The following TAOK1 variants were observed in gnomAD, a reference collection of about 807,000 sequenced individuals.
The protein encoded by TAOK1 is serine/threonine-protein kinase TAO1.
In TAOK1, 21 loss-of-function variants were observed where a neutral mutation model predicts 138.3. The ratio of observed to expected loss-of-function variants is 0.15; its 90% CI spans 0.11 to 0.22. TAOK1 has a LOEUF of 0.22. Among genes scored for constraint, TAOK1 ranks in the 10% least tolerant of loss-of-function variants. TAOK1 has a pLI of 1.00. For synonymous variants in TAOK1, 361 were observed against 398.4 expected (o/e 0.91, Z 1.12); for missense variants, 651 against 1,227.7 (o/e 0.53, Z 7.02).
rs754485562 is a variant in TAOK1, at chr17:29,550,847, G to A, written c.*7825G>A. 1 of 152,244 alleles carries A rather than the reference G, an allele frequency of 6.6e-6. No individual in the cohort carries two copies. The highest frequency in any genetic ancestry group is 1.5e-5 in the Non-Finnish European group (1 of 67,966). The allele number at this position is 152,244 out of a possible 1,614,324, so 9.4% of individuals were successfully genotyped here. ...AGAAATTAGTACATCATTTTCTCTG[G>A]ATTTTCTTCACTTCCCTCTTCCTTT... On this transcript the variant is annotated 3_prime_UTR_variant, in exon 20 of 20. Coordinates refer to ENST00000261716, the MANE Select transcript of TAOK1 (RefSeq NM_020791.4).
chr17:29,533,247 G>T (rs1337991137), intron 18 of TAOK1, among the ~76,000 whole-genome samples: 3 of 147,600 alleles, frequency 2.0e-5, no homozygotes, highest in Non-Finnish European at 1.5e-5. Flanking sequence ...ACGATGGGCG[G>T]CCGGGCAGAG....
chr17:29,471,160 A>AT (rs1314589073), intron 3 of TAOK1, among the ~76,000 whole-genome samples: 26 of 98,792 alleles, frequency 2.6e-4, no homozygotes, highest in East Asian at 1.9e-3. Flanking sequence ...TTCATCTAAA[A>AT]AATATATATA....
chr17:29,395,045 C>T (rs913737766), intron 1 of TAOK1, among the ~76,000 whole-genome samples: 1 of 151,750 alleles, frequency 6.6e-6, no homozygotes, highest in African/African-American at 2.4e-5. Context: ...AGTTTGAGGC[C>T]AGCCTGGGCA....
chr17:29,502,771 C>G (rs747560977), intron 13 of TAOK1, 48 bp downstream of exon 13: 6 of 1,581,034 alleles, frequency 3.8e-6, no homozygotes, highest in Non-Finnish European at 5.2e-6. Flanking sequence ...CATGTGGGAC[C>G]TTGGCAATAT....
At chr17:29,459,582 CT>C (rs1259587417) in intron 2 of TAOK1, among the ~76,000 whole-genome samples, 1 of 152,088 alleles carries the variant, frequency 6.6e-6, no homozygotes, top group Non-Finnish European at 1.5e-5. Flanking sequence ...CGGCCTCATT[CT>C]TTTTTTATGG....
intron 19 of TAOK1, among the ~76,000 whole-genome samples, chr17:29,539,914 A>G (rs1700186178): frequency 6.6e-6 from 1 of 152,208 alleles, no homozygotes; most frequent in African/African-American, 2.4e-5. Context: ...AATGTGGCAA[A>G]ATATAATAAC....
rs905766891 is a variant in TAOK1, at chr17:29,478,187, A to G, written c.353-64A>G. ...TCAGTTTTTAAAAATTGCCCCATGT[A>G]TTAGATATGTATTTTTTTAACAAAA... On this transcript the variant is annotated intron_variant, in intron 5 of 19. Transcript: ENST00000261716. The G allele has an allele frequency of 5.4e-5, 66 of 1,215,460 alleles. No homozygotes were observed. In the South Asian group the frequency reaches 9.9e-4, roughly 18 times the overall value. 75.3% of individuals were successfully genotyped at this position (1,215,460 alleles called of 1,614,324 possible). A position where few individuals can be genotyped will look rare whatever the true frequency, so the allele number is the denominator to read the frequency against.
At chr17:29,447,409 C>T (rs2030111954) in intron 1 of TAOK1, among the ~76,000 whole-genome samples, 1 of 152,110 alleles carries the variant, frequency 6.6e-6, no homozygotes, top group Non-Finnish European at 1.5e-5. Context: ...CTGCTCACTG[C>T]AGCCTTCACC....
chr17:29,425,865 G>GT (rs991146012), intron 1 of TAOK1, among the ~76,000 whole-genome samples: 1 of 151,674 alleles, frequency 6.6e-6, no homozygotes, highest in Non-Finnish European at 1.5e-5. Context: ...AATGAATCAG[G>GT]TTTTTTTTGT....
chr17:29,408,529 C>T (rs1018300497), intron 1 of TAOK1, among the ~76,000 whole-genome samples: 2 of 151,916 alleles, frequency 1.3e-5, no homozygotes, highest in East Asian at 1.9e-4. Flanking sequence ...AACGTTTTTT[C>T]AATCAATTTT....
At chr17:29,536,752 T>G (rs1598529568) in intron 19 of TAOK1, among the ~76,000 whole-genome samples, 1 of 141,704 alleles carries the variant, frequency 7.1e-6, no homozygotes, top group Non-Finnish European at 1.5e-5. Context: ...CAGGCTGGAG[T>G]GCAGTGGCGT....
intron 19 of TAOK1, among the ~76,000 whole-genome samples, chr17:29,535,347 A>G (rs768321016): frequency 6.6e-6 from 1 of 151,978 alleles, no homozygotes; most frequent in Non-Finnish European, 1.5e-5. Context: ...GTGGTCGATT[A>G]TCAATTGTAT....
intron 1 of TAOK1, among the ~76,000 whole-genome samples, chr17:29,394,612 T>C (rs892150654): frequency 2.0e-5 from 3 of 152,234 alleles, no homozygotes; most frequent in Non-Finnish European, 2.9e-5. Flanking sequence ...ATTTGGCTTA[T>C]TTGTATATTA....
At chr17:29,518,750 C>CTTTTATTTTT (rs11271070) in intron 16 of TAOK1, among the ~76,000 whole-genome samples, 6 of 150,390 alleles carry the variant, frequency 4.0e-5, no homozygotes, top group Admixed American at 2.6e-4. Context: ...TTTATTTTTA[C>CTTTTATTTTT]TTTATCTATT....
At chr17:29,503,790 C>T (rs1373129348) in intron 13 of TAOK1, among the ~76,000 whole-genome samples, 1 of 151,944 alleles carries the variant, frequency 6.6e-6, no homozygotes, top group African/African-American at 2.4e-5. Flanking sequence ...GCCTGGGCAA[C>T]ATGGTGAAAC....
intron 19 of TAOK1, among the ~76,000 whole-genome samples, chr17:29,534,929 GT>G (rs1190122108): frequency 2.8e-4 from 11 of 39,274 alleles, no homozygotes; most frequent in South Asian, 1.4e-3. Context: ...GGATACTAAG[GT>G]GTGTGTGTGT....
At chr17:29,496,876 G>C (rs2031425870) in intron 11 of TAOK1, among the ~76,000 whole-genome samples, 1 of 152,012 alleles carries the variant, frequency 6.6e-6, no homozygotes, top group African/African-American at 2.4e-5. Context: ...GTGAGCCACC[G>C]CACCTGGCCT....
At chr17:29,418,947 T>A (rs11656066) in intron 1 of TAOK1, among the ~76,000 whole-genome samples, 19,948 of 132,476 alleles carry the variant, frequency 0.15, 1,587 homozygotes, top group South Asian at 0.26. Context: ...TTTTTTTTTT[T>A]ATGTATGTTT....
chr17:29,398,787 CT>C (rs1408701203), intron 1 of TAOK1, among the ~76,000 whole-genome samples: 3 of 152,150 alleles, frequency 2.0e-5, no homozygotes, highest in African/African-American at 7.2e-5. Flanking sequence ...CCACCTTGGC[CT>C]CCCAAAGTGC....
Sources: allele counts gnomAD v4.1 joint callset (sites outside exome capture counted in the v4.1 genomes callset), GRCh38; gene constraint gnomAD v4.1.1; transcripts MANE v1.5; gene names NCBI Gene and HGNC (gene_info 2026-07-23, HGNC 2026-07-21).